The following TENM3 variants were observed in gnomAD, a reference collection of about 807,000 sequenced individuals.
TENM3 encodes the protein teneurin-3.
In TENM3, 63 loss-of-function variants were observed where a neutral mutation model predicts 255.1. The observed-to-expected ratio is 0.25, with a 90% CI of 0.20 to 0.30. The LOEUF is 0.30. Ranked by LOEUF, TENM3 falls within the 10% of genes least tolerant of loss-of-function variation. TENM3 has a pLI of 1.00. For synonymous variants in TENM3, 1,306 were observed against 1,322.3 expected (o/e 0.99, Z 0.27); for missense variants, 2,929 against 3,461.1 (o/e 0.85, Z 3.86).
chr4:182,424,216 A>T (rs2151154237), intron 3 of TENM3, among the ~76,000 whole-genome samples: 1 of 152,346 alleles, frequency 6.6e-6, no homozygotes, highest in African/African-American at 2.4e-5. Context: ...AATTTAAAAC[A>T]CATACACATT....
At chr4:182,626,768 G>A (rs1435599013) in intron 4 of TENM3, among the ~76,000 whole-genome samples, 5 of 152,068 alleles carry the variant, frequency 3.3e-5, no homozygotes, top group South Asian at 2.1e-4. Flanking sequence ...TAATACAGTC[G>A]CTAGTATAAT....
chr4:181,803,257 A>G, the TENM3 span, among the ~76,000 whole-genome samples: 1 of 152,158 alleles, frequency 6.6e-6, no homozygotes, highest in South Asian at 2.1e-4. Context: ...ATATCCAAAC[A>G]ATTACAAACA....
At chr4:182,353,699 G>T (rs1374353471) in intron 3 of TENM3, among the ~76,000 whole-genome samples, 1 of 152,186 alleles carries the variant, frequency 6.6e-6, no homozygotes, top group East Asian at 1.9e-4. Context: ...TGGGCGTGGT[G>T]GCTCACGCCT....
chr4:181,862,951 G>A, the TENM3 span, among the ~76,000 whole-genome samples: 1 of 152,214 alleles, frequency 6.6e-6, no homozygotes, highest in Admixed American at 6.5e-5. Flanking sequence ...ACAAACAAGA[G>A]AAATTTAGCT....
At chr4:182,329,125 C>T (rs868430898) in intron 2 of TENM3, among the ~76,000 whole-genome samples, 1 of 152,198 alleles carries the variant, frequency 6.6e-6, no homozygotes, top group African/African-American at 2.4e-5. Context: ...CCAGCAGACT[C>T]GCTACCTCCT....
At chr4:182,435,095 TA>T (rs1561443592) in intron 3 of TENM3, among the ~76,000 whole-genome samples, 1 of 152,210 alleles carries the variant, frequency 6.6e-6, no homozygotes, top group Non-Finnish European at 1.5e-5. Context: ...TCGAGAATGC[TA>T]GATGCCATTT....
chr4:182,705,810 G>T (rs1422461822), intron 12 of TENM3, among the ~76,000 whole-genome samples: 2 of 152,120 alleles, frequency 1.3e-5, no homozygotes, highest in Admixed American at 1.3e-4. Context: ...ACTGCTTCTG[G>T]TCTTTGAGGC....
chr4:181,501,384 G>GTT, the TENM3 span, among the ~76,000 whole-genome samples: 2 of 143,376 alleles, frequency 1.4e-5, no homozygotes, highest in Non-Finnish European at 3.1e-5. Flanking sequence ...TTCCTTTTTT[G>GTT]TTTTTTTTTT....
At chr4:181,713,672 C>G in the TENM3 span, among the ~76,000 whole-genome samples, 1 of 151,996 alleles carries the variant, frequency 6.6e-6, no homozygotes, top group Non-Finnish European at 1.5e-5. Flanking sequence ...GTGGTTTGGG[C>G]CACCAAGATT....
chr4:182,136,761 A>G, the TENM3 span, among the ~76,000 whole-genome samples: 1 of 152,192 alleles, frequency 6.6e-6, no homozygotes, highest in African/African-American at 2.4e-5. Context: ...ACAATCTACA[A>G]TGCAAATGAG....
chr4:182,262,057 A>G (rs2150165308), intron 1 of TENM3, among the ~76,000 whole-genome samples: 2 of 152,340 alleles, frequency 1.3e-5, no homozygotes, highest in Middle Eastern at 6.8e-3. Flanking sequence ...TTTGTAAAGA[A>G]AGGCAGGAGG....
At chr4:182,263,141 AGTGCAGAAACCCTGAGCCGCGGG>A (rs1268491290) in intron 1 of TENM3, among the ~76,000 whole-genome samples, 2 of 152,012 alleles carry the variant, frequency 1.3e-5, no homozygotes, top group Non-Finnish European at 2.9e-5. Flanking sequence ...AAGGGACTGT[AGTGCAGAAACCCTGAGCCGCGGG>A]GTCAGGGGTT....
intron 4 of TENM3, among the ~76,000 whole-genome samples, chr4:182,620,092 C>G (rs946929948): frequency 6.6e-6 from 1 of 152,100 alleles, no homozygotes; most frequent in Non-Finnish European, 1.5e-5. Context: ...GAATTTTTTA[C>G]GTGTGAGAAG....
At chr4:182,423,945 G>T (rs949836257) in intron 3 of TENM3, among the ~76,000 whole-genome samples, 11 of 152,188 alleles carry the variant, frequency 7.2e-5, no homozygotes, top group African/African-American at 2.6e-4. Context: ...TAACAGTTGT[G>T]TCACTTTATC....
At chr4:181,710,492 C>T in the TENM3 span, among the ~76,000 whole-genome samples, 29 of 151,636 alleles carry the variant, frequency 1.9e-4, no homozygotes, top group Admixed American at 1.1e-3. Context: ...CTGAGGCGGG[C>T]GGATCACAAG....
the TENM3 span, among the ~76,000 whole-genome samples, chr4:181,669,805 A>C: frequency 6.6e-6 from 1 of 152,172 alleles, no homozygotes; most frequent in African/African-American, 2.4e-5. Flanking sequence ...ACTCTGTTTA[A>C]GAATGTTATG....
At chr4:182,069,531 T>C in the TENM3 span, among the ~76,000 whole-genome samples, 1 of 152,152 alleles carries the variant, frequency 6.6e-6, no homozygotes, top group Non-Finnish European at 1.5e-5. Flanking sequence ...GCACCCCATT[T>C]TTATTTATTT....
intron 5 of TENM3, among the ~76,000 whole-genome samples, chr4:182,648,925 G>A (rs1238702398): frequency 2.0e-5 from 3 of 152,168 alleles, no homozygotes; most frequent in Non-Finnish European, 4.4e-5. Flanking sequence ...ATGCTGCTGT[G>A]TAGAAGTCCA....
At chr4:181,823,992 G>T in the TENM3 span, among the ~76,000 whole-genome samples, 1 of 152,078 alleles carries the variant, frequency 6.6e-6, no homozygotes, top group African/African-American at 2.4e-5. Context: ...AAAAATTGGT[G>T]CATCCTAAAA....
Sources: allele counts gnomAD v4.1 joint callset (sites outside exome capture counted in the v4.1 genomes callset), GRCh38; gene constraint gnomAD v4.1.1; transcripts MANE v1.5; gene names NCBI Gene and HGNC (gene_info 2026-07-23, HGNC 2026-07-21).